Variants in ZFHX3 observed in about 807,000 individuals in gnomAD.
ZFHX3 encodes the protein zinc finger homeobox 3, also known as zinc finger homeobox protein 3.
ZFHX3 carries 42 observed loss-of-function variants against 279.1 expected under a neutral mutation model. The observed-to-expected ratio is 0.15, with a 90% confidence interval of 0.12 to 0.19. ZFHX3 has a LOEUF of 0.19. Ranked by LOEUF, ZFHX3 falls within the 10% of genes least tolerant of loss-of-function variation. The pLI is 1.00. For synonymous variants in ZFHX3, 2,293 were observed against 1,957.8 expected (o/e 1.17, Z -4.52); for missense variants, 4,981 against 4,754.0 (o/e 1.05, Z -1.40).
At chr16:73,290,539 C>G (rs1342922327) in intron 4 of ZFHX3, among the ~76,000 whole-genome samples, 1 of 152,126 alleles carries the variant, frequency 6.6e-6, no homozygotes, top group Non-Finnish European at 1.5e-5. Context: ...TAGGTTTCAG[C>G]CTAGTAGGTT....
intron 3 of ZFHX3, among the ~76,000 whole-genome samples, chr16:72,941,904 A>G (rs1489445085): frequency 6.6e-6 from 1 of 152,214 alleles, no homozygotes; most frequent in African/African-American, 2.4e-5. Context: ...TAAGTATTAA[A>G]TATATACTTA....
At chr16:73,442,508 T>C (rs753538464) in intron 3 of ZFHX3, among the ~76,000 whole-genome samples, 8 of 152,156 alleles carry the variant, frequency 5.3e-5, no homozygotes, top group Non-Finnish European at 1.2e-4. Flanking sequence ...CTTTAGTATC[T>C]TTTGTGTGCG....
At chr16:72,802,294 C>T (rs996876855) in intron 7 of ZFHX3, among the ~76,000 whole-genome samples, 2 of 151,888 alleles carry the variant, frequency 1.3e-5, no homozygotes, top group Admixed American at 6.6e-5. Flanking sequence ...AAAAAGACAC[C>T]AATTCATCAG....
At chr16:73,435,065 ACTGGCTGG>A (rs752512316) in intron 3 of ZFHX3, among the ~76,000 whole-genome samples, 1 of 152,068 alleles carries the variant, frequency 6.6e-6, no homozygotes, top group East Asian at 1.9e-4. Context: ...TATTGTTTGA[ACTGGCTGG>A]CTGGCTGGCT....
chr16:73,447,130 G>A (rs1339051555), intron 3 of ZFHX3, among the ~76,000 whole-genome samples: 2 of 148,076 alleles, frequency 1.4e-5, no homozygotes, highest in African/African-American at 2.5e-5. Context: ...GCAGTCAGCC[G>A]AGATCACGCC....
At chr16:73,121,025 G>A (rs1966493236) in intron 7 of ZFHX3, among the ~76,000 whole-genome samples, 1 of 152,178 alleles carries the variant, frequency 6.6e-6, no homozygotes, top group African/African-American at 2.4e-5. Flanking sequence ...TATGGCAGCT[G>A]CTAGCCATGC....
chr16:73,218,488 G>T (rs1403925911), intron 5 of ZFHX3, among the ~76,000 whole-genome samples: 1 of 152,156 alleles, frequency 6.6e-6, no homozygotes, highest in African/African-American at 2.4e-5. Context: ...ATAAATACAG[G>T]TCAAGTGTGG....
At chr16:73,040,570 A>T (rs1965073892) in intron 1 of ZFHX3, among the ~76,000 whole-genome samples, 2 of 151,476 alleles carry the variant, frequency 1.3e-5, no homozygotes, top group Admixed American at 1.3e-4. Flanking sequence ...GCTGGGGTGG[A>T]TGGGGGACAC....
At chr16:73,224,032 G>A (rs2144923399) in intron 5 of ZFHX3, among the ~76,000 whole-genome samples, 1 of 152,260 alleles carries the variant, frequency 6.6e-6, no homozygotes, top group East Asian at 1.9e-4. Flanking sequence ...GAGGAGGGAG[G>A]GATGAGTAGG....
At chr16:73,492,678 G>C (rs1432567799) in intron 2 of ZFHX3, among the ~76,000 whole-genome samples, 1 of 152,134 alleles carries the variant, frequency 6.6e-6, no homozygotes, top group South Asian at 2.1e-4. Context: ...AAATCCTCCA[G>C]CCTAAACCCT....
At chr16:73,001,714 G>A (rs1211304944) in intron 1 of ZFHX3, among the ~76,000 whole-genome samples, 1 of 152,020 alleles carries the variant, frequency 6.6e-6, no homozygotes, top group East Asian at 1.9e-4. Context: ...CAGCTATTCA[G>A]GAGGCTGAGG....
rs76852781 is a variant in ZFHX3 at position 73,862,428 on chromosome 16, C to T, written c.-1608+29223G>A. Among the ~76,000 whole-genome samples the T allele has an allele frequency of 5.9e-3, 903 of 152,338 alleles. 9 individuals carry two copies. The highest frequency in any genetic ancestry group is 0.021 in the African/African-American group (860 of 41,560). On this transcript the variant is annotated intron_variant, in intron 1 of 17. Coordinates refer to the ZFHX3 transcript ENST00000641206. Reference sequence around the variant, plus strand: ...CTATGTATGTTAACTTCTTCTCTGTCACCTCCAATGCTTGTAATTCCATCC... The same window carrying T: ...CTATGTATGTTAACTTCTTCTCTGTTACCTCCAATGCTTGTAATTCCATCC...
chr16:73,727,090 G>T lies in ZFHX3; in HGVS notation c.-1607-46850C>A, dbSNP rs2053525263. Among the ~76,000 whole-genome samples, 3 of 152,188 alleles carry T rather than the reference G, an allele frequency of 2.0e-5. No homozygotes were observed. In the South Asian group the frequency reaches 6.2e-4, roughly 32 times the overall value. On this transcript the variant is annotated intron_variant, in intron 1 of 17. Coordinates refer to the ZFHX3 transcript ENST00000641206. Reference sequence around the variant, plus strand: ...CCAGGAGGACTAGGGGCCTCCACAGGGGTGGATGTGGAACCAGTGGCAGAG... The same window carrying T: ...CCAGGAGGACTAGGGGCCTCCACAGTGGTGGATGTGGAACCAGTGGCAGAG...
At chr16:73,354,108 G>A (rs1344870144) in intron 3 of ZFHX3, among the ~76,000 whole-genome samples, 1 of 152,092 alleles carries the variant, frequency 6.6e-6, no homozygotes, top group African/African-American at 2.4e-5. Flanking sequence ...AGGACACCCA[G>A]TTCAATCTGA....
chr16:73,076,572 C>A (rs1965888343), intron 8 of ZFHX3, among the ~76,000 whole-genome samples: 1 of 152,162 alleles, frequency 6.6e-6, no homozygotes. Context: ...AATCCAGGGA[C>A]TCATCATAAA....
rs150434363 is a variant in ZFHX3, at chr16:72,812,034, C to T, written c.3534G>A (p.Ser1178=). ...ELAKDQEGGA[S]SSQAEKELTD... The stretch of plus-strand genomic sequence containing the variant: ...TCAGCTCCTTCTCTGCTTGGCTGGA[C>T]GATGCTAAAAGAGAAAGTAGAAGAT... Residue 1178 remains serine (S), a synonymous_variant, in exon 6 of 10, where the codon TCG becomes TCA. Transcript: ENST00000268489. 4.1e-5 allele frequency: 66 copies of T among 1,613,862 alleles called. No individual in the cohort carries two copies. In the African/African-American group the frequency reaches 6.7e-4, roughly 16 times the overall value.
intron 3 of ZFHX3, among the ~76,000 whole-genome samples, chr16:73,357,652 T>C (rs1470884859): frequency 6.6e-6 from 1 of 152,174 alleles, no homozygotes; most frequent in Non-Finnish European, 1.5e-5. Context: ...AGGTTCCCCT[T>C]GGACCAGCAG....
intron 1 of ZFHX3, among the ~76,000 whole-genome samples, chr16:73,766,732 C>A (rs998204817): frequency 6.6e-6 from 1 of 152,134 alleles, no homozygotes; most frequent in Admixed American, 6.5e-5. Flanking sequence ...GACAGGACCG[C>A]AGACCAGAAG....
chr16:72,946,529 A>T (rs1272029097), intron 3 of ZFHX3, among the ~76,000 whole-genome samples: 1 of 152,186 alleles, frequency 6.6e-6, no homozygotes. Context: ...ATTCTGGGAG[A>T]TGGTGGGAGT....
Sources: allele counts gnomAD v4.1 joint callset (sites outside exome capture counted in the v4.1 genomes callset), GRCh38; gene constraint gnomAD v4.1.1; transcripts MANE v1.5; gene names NCBI Gene and HGNC (gene_info 2026-07-23, HGNC 2026-07-21).